Variants in RBM19 observed in about 807,000 individuals in gnomAD.
RBM19 encodes RNA binding motif protein 19.
Under a neutral mutation model 116.8 loss-of-function variants are expected in RBM19, and 94 were observed. The observed-to-expected ratio is 0.80, with a 90% CI of 0.68 to 0.95. RBM19 has a LOEUF of 0.95. RBM19 is among the 40% of genes least tolerant of loss of function. The probability of loss-of-function intolerance (pLI) is 0.00; values close to 1 mark genes in which losing one functional copy is unlikely to be tolerated. For synonymous variants in RBM19, 475 were observed against 494.1 expected, an observed-to-expected ratio of 0.96 and a Z score of 0.51; for missense variants, 1,161 against 1,220.7, an observed-to-expected ratio of 0.95 and a Z score of 0.73.
At chr12:113,887,153 T>C (rs1281718545) in intron 21 of RBM19, among the ~76,000 whole-genome samples, 1 of 152,238 alleles carries the variant, frequency 6.6e-6, no homozygotes, top group Non-Finnish European at 1.5e-5. Flanking sequence ...CACCTACTTG[T>C]TGACTTCTTG....
intron 7 of RBM19, among the ~76,000 whole-genome samples, chr12:113,954,430 G>A (rs774112468): frequency 6.6e-6 from 1 of 152,204 alleles, no homozygotes. Flanking sequence ...GGCAGCCCTA[G>A]TTTGCCTGGG....
intron 23 of RBM19, among the ~76,000 whole-genome samples, chr12:113,831,807 C>T (rs189053027): frequency 3.3e-4 from 50 of 152,308 alleles, no homozygotes; most frequent in Admixed American, 1.6e-3. Context: ...TCCAAAACAC[C>T]GCCCAGCGAG....
At chr12:113,871,729 G>T (rs1341016308) in intron 21 of RBM19, among the ~76,000 whole-genome samples, 1 of 152,254 alleles carries the variant, frequency 6.6e-6, no homozygotes, top group East Asian at 1.9e-4. Context: ...CACCTCAACA[G>T]ATCTGACCAG....
chr12:113,844,188 C>A (rs978863125), intron 23 of RBM19, among the ~76,000 whole-genome samples: 2 of 152,224 alleles, frequency 1.3e-5, no homozygotes, highest in Admixed American at 6.5e-5. Context: ...ATCAGCCCTC[C>A]GGCAGGAAGT....
chr12:113,892,855 C>T (rs1408888891), intron 21 of RBM19, among the ~76,000 whole-genome samples: 5 of 152,022 alleles, frequency 3.3e-5, no homozygotes, highest in East Asian at 1.9e-4. Context: ...AAGTGGTATC[C>T]GTGTTCGGTG....
At chr12:113,893,176 C>T (rs1358186276) in intron 21 of RBM19, among the ~76,000 whole-genome samples, 2 of 152,072 alleles carry the variant, frequency 1.3e-5, no homozygotes, top group African/African-American at 4.8e-5. Context: ...GCACTACAGA[C>T]ACATGCCACC....
rs1044305223 is a variant in RBM19, at chr12:113,957,641, A to G, written c.840+141T>C. The stretch of plus-strand genomic sequence containing the variant: ...AAAGAACACACGGCGAGCAAGCGGC[A>G]GGGCCAAGATCGGGAAGGCTTTGGA... On this transcript the variant is annotated intron_variant, in intron 6 of 23. Coordinates refer to ENST00000261741, the MANE Select transcript of RBM19 (RefSeq NM_016196.4). The G allele has an allele frequency of 3.7e-5, 47 of 1,271,136 alleles. No individual in the cohort carries two copies. The African/African-American group carries it at 7.0e-4, about 19-fold the overall frequency. The allele number at this position is 1,271,136 out of a possible 1,614,324, so 78.7% of individuals were successfully genotyped here. A position where few individuals can be genotyped will look rare whatever the true frequency, so the allele number is the denominator to read the frequency against.
intron 21 of RBM19, among the ~76,000 whole-genome samples, chr12:113,876,404 G>C (rs1879671621): frequency 6.6e-6 from 1 of 152,190 alleles, no homozygotes; most frequent in Admixed American, 6.5e-5. Context: ...GGGGACAATG[G>C]TCTCCATGCT....
At chr12:113,864,449 T>C (rs1878656772) in intron 21 of RBM19, among the ~76,000 whole-genome samples, 1 of 152,226 alleles carries the variant, frequency 6.6e-6, no homozygotes, top group Non-Finnish European at 1.5e-5. Flanking sequence ...CTTTGCTTAC[T>C]GCTCCCCTGG....
At chr12:113,945,199 T>C (rs117135189) in intron 13 of RBM19, among the ~76,000 whole-genome samples, 7 of 152,234 alleles carry the variant, frequency 4.6e-5, no homozygotes, top group East Asian at 1.9e-4. Context: ...ACTATCTATA[T>C]GTCTATCAAA....
chr12:113,821,141 T>TA (rs1565954524), downstream of RBM19, among the ~76,000 whole-genome samples: 1 of 152,136 alleles, frequency 6.6e-6, no homozygotes, highest in African/African-American at 2.4e-5. Context: ...GGTGGACTGT[T>TA]ACGGAGCCCA....
At chr12:113,823,913 G>C (rs1874635765) in intron 23 of RBM19, among the ~76,000 whole-genome samples, 1 of 152,232 alleles carries the variant, frequency 6.6e-6, no homozygotes, top group Non-Finnish European at 1.5e-5. Flanking sequence ...TGCTCGATAA[G>C]TGGTGGGTGA....
At chr12:113,955,779 T>C (rs982629539) in intron 6 of RBM19, among the ~76,000 whole-genome samples, 2 of 152,198 alleles carry the variant, frequency 1.3e-5, no homozygotes, top group Admixed American at 6.5e-5. Flanking sequence ...CATATATAGC[T>C]TATGCTGATT....
At chr12:113,853,912 C>T (rs190117387) in intron 22 of RBM19, among the ~76,000 whole-genome samples, 10 of 152,216 alleles carry the variant, frequency 6.6e-5, no homozygotes, top group Admixed American at 5.9e-4. Flanking sequence ...TGGCCTTCCT[C>T]CAAAGTGTCC....
intron 21 of RBM19, among the ~76,000 whole-genome samples, chr12:113,869,737 G>A (rs557759337): frequency 1.0e-3 from 158 of 152,114 alleles, no homozygotes; most frequent in African/African-American, 3.3e-3. Flanking sequence ...AAACCCAGCC[G>A]TTTGCTTGTT....
At position 113,903,694 on chromosome 12, in the gene RBM19, C is replaced by T. The variant is rs150181269; in HGVS notation, c.2558+11275G>A. ...ATGTATATTCATTTGTTTGTACCCT[C>T]AGCAGAAATCTGATTTTCGGTAACA... On this transcript the variant is annotated intron_variant, in intron 21 of 23. Transcript: ENST00000261741. This position sits in a 1 kb window ranked among gnomAD's most constrained non-coding sequence, Gnocchi z 5.1. 1.2e-4 allele frequency among the ~76,000 whole-genome samples: 18 copies of T among 152,374 alleles called. No individual in the cohort carries two copies. The highest frequency in any genetic ancestry group is 3.4e-3 in the Middle Eastern group (1 of 294).
At chr12:113,882,799 A>G (rs1426646129) in intron 21 of RBM19, among the ~76,000 whole-genome samples, 1 of 152,204 alleles carries the variant, frequency 6.6e-6, no homozygotes, top group African/African-American at 2.4e-5. Context: ...CCTGGCAGGT[A>G]CCCTCAGATG....
At chr12:113,879,083 C>A (rs1165052177) in intron 21 of RBM19, among the ~76,000 whole-genome samples, 5 of 152,236 alleles carry the variant, frequency 3.3e-5, no homozygotes, top group Admixed American at 3.3e-4. Flanking sequence ...CTTCCCCGTC[C>A]CCGCCAGCGT....
intron 23 of RBM19, among the ~76,000 whole-genome samples, chr12:113,829,999 C>T (rs1875232021): frequency 6.6e-6 from 1 of 152,206 alleles, no homozygotes; most frequent in Non-Finnish European, 1.5e-5. Context: ...AGCTAGGCAA[C>T]ATCATTGTCC....
Sources: gnomAD v4.1 joint callset for allele counts (sites outside exome capture counted in the v4.1 genomes callset) on GRCh38, gnomAD v4.1.1 for gene constraint, Gnocchi (gnomAD v3.1) non-coding constraint, MANE v1.5 for transcripts, NCBI Gene and HGNC (gene_info 2026-07-23, HGNC 2026-07-21) for gene names.